Variants in FAT4 observed in about 807,000 individuals in gnomAD.
FAT4 encodes the protein protocadherin Fat 4.
A neutral mutation model predicts 303.9 loss-of-function variants in FAT4; 84 were observed. That is an observed-to-expected ratio of 0.28 (90% CI 0.23 to 0.33). The LOEUF is 0.33. Ranked by LOEUF, FAT4 falls within the 10% of genes least tolerant of loss-of-function variation. The pLI is 1.00. For synonymous variants in FAT4, 2,307 were observed against 2,298.8 expected (o/e 1.00, Z -0.10); for missense variants, 6,005 against 6,146.8 (o/e 0.98, Z 0.77).
chr4:125,338,886 A>C (rs1355908146), intron 2 of FAT4, among the ~76,000 whole-genome samples: 1 of 152,190 alleles, frequency 6.6e-6, no homozygotes, highest in African/African-American at 2.4e-5. Context: ...GAAATATTAC[A>C]TTCCTATGTA....
rs540437281 is a variant in FAT4, at chr4:125,395,238, G to A, written c.5176-3546G>A. Among the ~76,000 whole-genome samples the A allele has an allele frequency of 8.5e-5, 13 of 152,274 alleles. No homozygotes were observed. In the East Asian group the frequency reaches 2.5e-3, roughly 29 times the overall value. On this transcript the variant is annotated intron_variant, in intron 2 of 17. Coordinates refer to ENST00000394329, the MANE Select transcript of FAT4 (RefSeq NM_001291303.3). ...GTTATATCTAAGGAACTGTGGAGTA[G>A]AGAAAAGGGAATGGGCAATTAAGGA...
chr4:125,448,789 A>G lies in FAT4; in HGVS notation c.7779A>G (p.Gly2593=). 6.2e-7 allele frequency: 1 copy of G among 1,610,914 alleles called. No homozygotes were observed. Among genetic ancestry groups the G allele is most frequent in the Non-Finnish European group, 8.5e-7 (1 of 1,179,792 alleles). Residue 2593 remains glycine (G), a synonymous_variant, in exon 10 of 18, where the codon GGA becomes GGG. Transcript: ENST00000394329. The part of the protein sequence containing the change: ...PVSSLVTTIT[G]SSLRGEPMSY... ...GCTCTCTTGTCACCACCATCACAGGATCCTCTTTAAGAGGAGAACCTATGT... is the reference window on the plus strand; with the variant it reads ...GCTCTCTTGTCACCACCATCACAGGGTCCTCTTTAAGAGGAGAACCTATGT...
At position 125,451,813 on chromosome 4, in the gene FAT4, T is replaced by C; in HGVS notation, c.10803T>C (p.Thr3601=). ...TTCCTCAAATGTCTTCCACAGGAACTGTGCATATCACAGTTATAGACCAAA... is the reference window on the plus strand; with the variant it reads ...TTCCTCAAATGTCTTCCACAGGAACCGTGCATATCACAGTTATAGACCAAA... ...SGVPQMSSTG[T]VHITVIDQND... The change falls in exon 10 of 18, where the codon ACT becomes ACC. Residue 3601 remains threonine, a synonymous_variant. Coordinates refer to ENST00000394329, the MANE Select transcript of FAT4 (RefSeq NM_001291303.3). The C allele has an allele frequency of 6.2e-7, 1 of 1,614,186 alleles. No individual in the cohort carries two copies. The highest frequency in any genetic ancestry group is 8.5e-7 in the Non-Finnish European group (1 of 1,180,026).
chr4:125,340,531 C>G (rs1254203549), intron 2 of FAT4, among the ~76,000 whole-genome samples: 2 of 152,114 alleles, frequency 1.3e-5, no homozygotes, highest in Non-Finnish European at 2.9e-5. Flanking sequence ...GGACTACAGG[C>G]GCCCGCCACC....
In FAT4 at chr4:125,449,243, A is replaced by G. The variant is rs1725949508; in HGVS notation, c.8233A>G (p.Ile2745Val). Residue 2745 changes from isoleucine (I) to valine (V), a missense_variant, in exon 10 of 18, where the codon ATA (isoleucine) becomes GTA (valine). Transcript: ENST00000394329. ...REKVSHYVLT[I>V]KSSDKGSPSQ... is the part of the protein sequence containing the mutation. Reference sequence around the variant, plus strand: ...AAAAGTATCTCATTATGTCCTAACCATAAAATCATCAGACAAAGGGTCCCC... The same window carrying G: ...AAAAGTATCTCATTATGTCCTAACCGTAAAATCATCAGACAAAGGGTCCCC... 1 of 1,613,996 alleles carries G rather than the reference A, an allele frequency of 6.2e-7. No homozygotes were observed. Among genetic ancestry groups the G allele is most frequent in the Non-Finnish European group, 8.5e-7 (1 of 1,179,926 alleles).
intron 3 of FAT4, among the ~76,000 whole-genome samples, chr4:125,405,532 C>G (rs755588904): frequency 2.0e-5 from 3 of 150,124 alleles, no homozygotes; most frequent in Non-Finnish European, 4.4e-5. Flanking sequence ...TTTTTTGAGA[C>G]AAGAGTCTCG....
In FAT4 at chr4:125,450,078, A is replaced by G; in HGVS notation, c.9068A>G (p.Tyr3023Cys). 2 of 1,613,890 alleles carry G rather than the reference A, an allele frequency of 1.2e-6. No individual in the cohort carries two copies. Among genetic ancestry groups the G allele is most frequent in the Non-Finnish European group, 1.7e-6 (2 of 1,179,934 alleles). ...TTTGGACTGAATTCAGAAGTGGAGT[A>G]TTTCATTTCTAATGATAACCATTTA... ...KDFGLNSEVE[Y>C]FISNDNHLGK... The change falls in exon 10 of 18, where the codon TAT (tyrosine) becomes TGT (cysteine). Residue 3023 changes from tyrosine (Y) to cysteine (C), a missense_variant. Tyr to Cys is a radical substitution (Grantham distance 194). Transcript: ENST00000394329.
At chr4:125,463,463 T>G in intron 10 of FAT4, 100 bp from the exon 11 acceptor site, 1 of 547,542 alleles carries the variant, frequency 1.8e-6, no homozygotes, top group Non-Finnish European at 3.1e-6. Context: ...CTTTTCTCCG[T>G]GATATGCCTT....
chr4:125,405,378 ACTT>A (rs1734555008), intron 3 of FAT4, among the ~76,000 whole-genome samples: 1 of 152,010 alleles, frequency 6.6e-6, no homozygotes, highest in Non-Finnish European at 1.5e-5. Flanking sequence ...CAATTTCCCC[ACTT>A]CTTCACCAAC....
chr4:125,457,569 CAT>C (rs1726327449), intron 10 of FAT4, among the ~76,000 whole-genome samples: 1 of 151,818 alleles, frequency 6.6e-6, no homozygotes, highest in Non-Finnish European at 1.5e-5. Context: ...AAAAAAGTAA[CAT>C]ATTCAGTTAT....
chr4:125,391,029 TCTGAGG>T (rs1470501625), intron 2 of FAT4, among the ~76,000 whole-genome samples: 1 of 152,178 alleles, frequency 6.6e-6, no homozygotes, highest in Admixed American at 6.5e-5. Flanking sequence ...AATAGATGCT[TCTGAGG>T]CTGTGGAGAA....
At position 125,451,694 on chromosome 4, in the gene FAT4, C is replaced by T; in HGVS notation, c.10684C>T (p.Leu3562=). 2.5e-6 allele frequency: 4 copies of T among 1,614,132 alleles called. No individual in the cohort carries two copies. Among genetic ancestry groups the T allele is most frequent in the Non-Finnish European group, 3.4e-6 (4 of 1,180,002 alleles). Residue 3562 remains leucine, a synonymous_variant, in exon 10 of 18, where the codon CTG becomes TTG. Coordinates refer to ENST00000394329, the MANE Select transcript of FAT4 (RefSeq NM_001291303.3). ...AGGTCCTGCCACCAGTTATTTCAGT[C>T]TGAGCACTGCTGGAGTTCTGAGCAC... ...STGPATSYFS[L]STAGVLSTTR...
At chr4:125,472,961 G>C (rs79998819) in intron 12 of FAT4, among the ~76,000 whole-genome samples, 22,405 of 152,024 alleles carry the variant, frequency 0.15, 1,932 homozygotes, top group Middle Eastern at 0.22. Flanking sequence ...TTTAGTTATA[G>C]ATGGTTTTCC....
At chr4:125,403,473 C>G (rs28719574) in intron 3 of FAT4, among the ~76,000 whole-genome samples, 5,872 of 152,102 alleles carry the variant, frequency 0.039, 380 homozygotes, top group African/African-American at 0.13. Flanking sequence ...CCCATTCCTT[C>G]ACCATCATTC....
rs561928685 is a variant in FAT4, at chr4:125,318,321, T to G, written c.1910T>G (p.Val637Gly). 7 of 1,614,104 alleles carry G rather than the reference T, an allele frequency of 4.3e-6. No individual in the cohort carries two copies. Among genetic ancestry groups the G allele is most frequent in the Non-Finnish European group, 5.9e-6 (7 of 1,180,046 alleles). ...TDRRSFRLDP[V>G]SGRLSTISSL... The stretch of plus-strand genomic sequence containing the variant: ...CGGAGGTCCTTCCGTCTGGATCCTG[T>G]GTCTGGGAGGTTGAGTACTATTTCC... Residue 637 changes from valine (V) to glycine (G), a missense_variant, in exon 2 of 18, where the codon GTG (valine) becomes GGG (glycine). Transcript: ENST00000394329.
intron 7 of FAT4, among the ~76,000 whole-genome samples, chr4:125,424,043 A>T (rs1274611341): frequency 6.6e-6 from 1 of 152,200 alleles, no homozygotes; most frequent in Non-Finnish European, 1.5e-5. Context: ...CTTTTCTCAG[A>T]TAAGACTTTG....
Position 125,316,385 on chromosome 4 carries a change from A to T in FAT4, c.-12-15A>T. ...TTTGCTTCACCCCTTCCTTCTCTTT[A>T]TCACATCGTTTTAGGGAGCCAGGAC... On this transcript the variant is annotated splice_polypyrimidine_tract_variant and intron_variant, in intron 1 of 17. Transcript: ENST00000394329. The surrounding 1 kb of genome is among the most constrained non-coding windows in gnomAD (Gnocchi z 5.7). The T allele has an allele frequency of 6.4e-7, 1 of 1,569,536 alleles. No individual in the cohort carries two copies. The highest frequency in any genetic ancestry group is 8.6e-7 in the Non-Finnish European group (1 of 1,156,208).
intron 7 of FAT4, among the ~76,000 whole-genome samples, chr4:125,422,969 A>G (rs189874755): frequency 6.6e-6 from 1 of 152,290 alleles, no homozygotes; most frequent in African/African-American, 2.4e-5. Flanking sequence ...CTTGCTATGC[A>G]AAGAGACTGG....
intron 14 of FAT4, among the ~76,000 whole-genome samples, chr4:125,478,494 T>C (rs2126084858): frequency 1.3e-5 from 2 of 152,266 alleles, no homozygotes; most frequent in South Asian, 4.1e-4. Flanking sequence ...CTCCTCTGTT[T>C]CTGTTAGACC....
Sources: gnomAD v4.1 joint callset for allele counts (sites outside exome capture counted in the v4.1 genomes callset) on GRCh38, gnomAD v4.1.1 for gene constraint, Gnocchi (gnomAD v3.1) non-coding constraint, MANE v1.5 for transcripts, NCBI Gene and HGNC (gene_info 2026-07-23, HGNC 2026-07-21) for gene names.